The following DACH1 variants were observed in gnomAD, a reference collection of about 807,000 sequenced individuals.
DACH1 encodes the protein dachshund family transcription factor 1, also known as dachshund homolog 1.
A neutral mutation model predicts 54.2 loss-of-function variants in DACH1; 12 were observed. The observed-to-expected ratio is 0.22, with a 90% CI of 0.14 to 0.36. DACH1 has a LOEUF of 0.36. DACH1 is among the 10% of genes least tolerant of loss of function. The probability of loss-of-function intolerance (pLI) is 1.00; values close to 1 mark genes in which losing one functional copy is unlikely to be tolerated. For missense variants in DACH1, 805 were observed against 929.8 expected, an observed-to-expected ratio of 0.87 and a Z score of 1.75; for synonymous variants, 386 against 366.2, an observed-to-expected ratio of 1.05 and a Z score of -0.62.
chr13:71,553,389 T>C (rs1308755995), intron 6 of DACH1, among the ~76,000 whole-genome samples: 1 of 106,650 alleles, frequency 9.4e-6, no homozygotes, highest in African/African-American at 3.7e-5. Flanking sequence ...ATATTAGACA[T>C]ATATCCATAT....
Position 71,501,185 on chromosome 13 carries a change from A to G in DACH1, c.1571-12037T>C, listed in dbSNP as rs534079998. Among the ~76,000 whole-genome samples the G allele has an allele frequency of 6.6e-5, 10 of 152,180 alleles. No individual in the cohort carries two copies. The South Asian group carries it at 2.1e-3, about 32-fold the overall frequency. On this transcript the variant is annotated intron_variant, in intron 6 of 10. Transcript: ENST00000613252. Reference sequence around the variant, plus strand: ...ATGTATAAAATTAAACTATAACTCGATCTCTTCGGGCGCACTTTCCCAGGA... The same window carrying G: ...ATGTATAAAATTAAACTATAACTCGGTCTCTTCGGGCGCACTTTCCCAGGA...
chr13:71,547,458 T>C (rs554402976), intron 6 of DACH1, among the ~76,000 whole-genome samples: 120 of 152,260 alleles, frequency 7.9e-4, no homozygotes, highest in Non-Finnish European at 1.4e-3. Context: ...ACAATTGTAC[T>C]TGTTTAATAT....
chr13:71,663,458 T>C (rs1879638408), intron 2 of DACH1, among the ~76,000 whole-genome samples: 1 of 151,950 alleles, frequency 6.6e-6, no homozygotes, highest in African/African-American at 2.4e-5. Flanking sequence ...TAGGTTCAGG[T>C]GAAAAACATG....
intron 1 of DACH1, among the ~76,000 whole-genome samples, chr13:71,821,598 A>G (rs1394225547): frequency 7.2e-6 from 1 of 138,460 alleles, no homozygotes; most frequent in East Asian, 2.0e-4. Flanking sequence ...TTAGTTATAT[A>G]TTTTCTTTAT....
At chr13:71,617,981 T>C (rs1875910361) in intron 3 of DACH1, among the ~76,000 whole-genome samples, 1 of 152,158 alleles carries the variant, frequency 6.6e-6, no homozygotes, top group Non-Finnish European at 1.5e-5. Flanking sequence ...GTCATATCCA[T>C]TAACATTTTA....
intron 1 of DACH1, among the ~76,000 whole-genome samples, chr13:71,783,976 A>C (rs892333559): frequency 9.9e-5 from 15 of 150,964 alleles, no homozygotes; most frequent in East Asian, 5.8e-4. Flanking sequence ...AAAAAAAAAA[A>C]AAAACAAAAA....
intron 6 of DACH1, among the ~76,000 whole-genome samples, chr13:71,540,026 GA>G (rs1308882043): frequency 1.3e-5 from 2 of 151,840 alleles, no homozygotes; most frequent in African/African-American, 4.8e-5. Context: ...TCATTGGCAT[GA>G]GATAAACTTT....
intron 1 of DACH1, among the ~76,000 whole-genome samples, chr13:71,697,838 G>T (rs1420891877): frequency 6.6e-6 from 1 of 151,984 alleles, no homozygotes; most frequent in East Asian, 1.9e-4. Flanking sequence ...TTTAAAAATG[G>T]TGTTAAAATT....
intron 2 of DACH1, among the ~76,000 whole-genome samples, chr13:71,663,307 C>T (rs545098785): frequency 9.9e-5 from 15 of 152,014 alleles, no homozygotes; most frequent in African/African-American, 3.1e-4. Flanking sequence ...CAGAACTTAG[C>T]CTCTGCTAAA....
chr13:71,681,176 G>A (rs965812477), intron 2 of DACH1, among the ~76,000 whole-genome samples: 7 of 151,974 alleles, frequency 4.6e-5, no homozygotes, highest in East Asian at 1.9e-4. Flanking sequence ...CCATTCAGGG[G>A]GTAGAAATCA....
chr13:71,677,585 T>A (rs1043215656), intron 2 of DACH1, among the ~76,000 whole-genome samples: 3 of 152,210 alleles, frequency 2.0e-5, no homozygotes, highest in African/African-American at 7.2e-5. Context: ...TACATTTTTT[T>A]TAAAAAAAGT....
chr13:71,754,823 G>C (rs897504831), intron 1 of DACH1, among the ~76,000 whole-genome samples: 1 of 151,940 alleles, frequency 6.6e-6, no homozygotes, highest in Non-Finnish European at 1.5e-5. Context: ...TGCATTGCAG[G>C]AGAGTCTAAT....
chr13:71,810,222 A>G (rs1213324705), intron 1 of DACH1, among the ~76,000 whole-genome samples: 1 of 152,222 alleles, frequency 6.6e-6, no homozygotes, highest in East Asian at 1.9e-4. Flanking sequence ...GTTATCACTT[A>G]GAAAGAATTA....
intron 10 of DACH1, among the ~76,000 whole-genome samples, chr13:71,465,163 G>T (rs773290088): frequency 3.3e-5 from 5 of 151,878 alleles, no homozygotes; most frequent in Admixed American, 6.6e-5. Context: ...TTCTAAAGAA[G>T]AATTTATATC....
chr13:71,563,027 C>A (rs890123365), intron 4 of DACH1, among the ~76,000 whole-genome samples: 3 of 152,006 alleles, frequency 2.0e-5, no homozygotes, highest in Non-Finnish European at 2.9e-5. Flanking sequence ...CAGAGATATA[C>A]TCTTAAAGTC....
chr13:71,576,468 T>C (rs573366828), intron 3 of DACH1, among the ~76,000 whole-genome samples: 1 of 152,284 alleles, frequency 6.6e-6, no homozygotes, highest in South Asian at 2.1e-4. Flanking sequence ...TTAGTCTTCA[T>C]GGGCTCAGAC....
chr13:71,467,063 T>C (rs1200342116), intron 10 of DACH1, among the ~76,000 whole-genome samples: 4 of 147,650 alleles, frequency 2.7e-5, no homozygotes, highest in African/African-American at 7.4e-5. Context: ...TAAATAATTA[T>C]AATGAGTTAC....
chr13:71,656,033 A>C (rs1273244019), intron 2 of DACH1, among the ~76,000 whole-genome samples: 1 of 152,226 alleles, frequency 6.6e-6, no homozygotes, highest in Admixed American at 6.5e-5. Context: ...CATACTTCAA[A>C]GGTTATCATT....
Position 71,866,556 on chromosome 13 carries a change from A to C in DACH1, c.214T>G (p.Ser72Ala), listed in dbSNP as rs1228773707. 1.1e-5 allele frequency: 13 copies of C among 1,232,300 alleles called. No homozygotes were observed. The highest frequency in any genetic ancestry group is 5.6e-5 in the African/African-American group (3 of 53,156). The allele number at this position is 1,232,300 out of a possible 1,614,324, so 76.3% of individuals were successfully genotyped here. A position where few individuals can be genotyped will look rare whatever the true frequency, so the allele number is the denominator to read the frequency against. The change falls in exon 1 of 11, where the codon TCT becomes GCT. Residue 72 changes from serine (S) to alanine (A), a missense_variant. This residue lies in a region of DACH1 where 305 missense variants were observed against 308.7 expected (regional missense o/e 0.99). Transcript: ENST00000613252. Reference protein sequence around the residue: ...SAAAAAATVTSTGGGGGGGGS... With the variant: ...SAAAAAATVTATGGGGGGGGS... The stretch of plus-strand genomic sequence containing the variant: ...CCGCCGCCGCCGCCGCCGCCGGTAG[A>C]GGTGACTGTGGCCGCCGCCGCCGCC...
Sources: gnomAD v4.1 joint callset for allele counts (sites outside exome capture counted in the v4.1 genomes callset) on GRCh38, gnomAD v4.1.1 for gene constraint, gnomAD v4.1.1 regional missense constraint, MANE v1.5 for transcripts, NCBI Gene and HGNC (gene_info 2026-07-23, HGNC 2026-07-21) for gene names.